IL1RAPL1: variants seen among roughly 807,000 people sequenced by gnomAD.
The protein encoded by IL1RAPL1 is interleukin 1 receptor accessory protein like 1.
IL1RAPL1 carries 3 observed loss-of-function variants against 48.4 expected under a neutral mutation model. The observed-to-expected ratio is 0.06, with a 90% CI of 0.03 to 0.16. IL1RAPL1 has a LOEUF of 0.16. Ranked by LOEUF, IL1RAPL1 falls within the 10% of genes least tolerant of loss-of-function variation. The probability of loss-of-function intolerance (pLI) is 1.00; values close to 1 mark genes in which losing one functional copy is unlikely to be tolerated. For missense variants in IL1RAPL1, 349 were observed against 530.6 expected, an observed-to-expected ratio of 0.66 and a Z score of 3.36; for synonymous variants, 185 against 187.7, an observed-to-expected ratio of 0.99 and a Z score of 0.12.
At chrX:29,152,538 T>C (rs895089780) in intron 2 of IL1RAPL1, among the ~76,000 whole-genome samples, 1 of 112,000 alleles carries the variant, frequency 8.9e-6, no homozygotes, top group Admixed American at 9.5e-5. Flanking sequence ...TTTAATTACA[T>C]TATAACTTGA....
At chrX:28,904,316 T>G (rs1923161113) in intron 2 of IL1RAPL1, among the ~76,000 whole-genome samples, 1 of 111,716 alleles carries the variant, frequency 9.0e-6, no homozygotes. Context: ...AGATTAAAAT[T>G]TCTAGCATTC....
intron 3 of IL1RAPL1, among the ~76,000 whole-genome samples, chrX:29,327,118 T>C (rs1932847852): frequency 9.0e-6 from 1 of 111,600 alleles, no homozygotes; most frequent in Admixed American, 9.6e-5. Flanking sequence ...TCTCTAATAG[T>C]CTGATTTAAT....
rs1215115516 is a variant in IL1RAPL1 at position 29,294,037 on chromosome X, T to TA, written c.362+10833dup. ...TCTAATTTTGTGTGTGGTCCTAAAGTAAAAAAAAAAAAATAAATGAATAAA... is the reference window on the plus strand; with the variant it reads ...TCTAATTTTGTGTGTGGTCCTAAAGTAAAAAAAAAAAAAATAAATGAATAAA... On this transcript the variant is annotated intron_variant, in intron 3 of 10. Transcript: ENST00000378993. Among the ~76,000 whole-genome samples the TA allele has an allele frequency of 8.7e-3, 779 of 89,487 alleles. 10 individuals are homozygous for TA. The highest frequency in any genetic ancestry group is 0.025 in the African/African-American group (622 of 24,514). The allele number at this position is 89,487 out of a possible 115,157, so 77.7% of individuals were successfully genotyped here. A position where few individuals can be genotyped will look rare whatever the true frequency, so the allele number is the denominator to read the frequency against.
chrX:29,497,830 A>C (rs142593640), intron 5 of IL1RAPL1, among the ~76,000 whole-genome samples: 26 of 111,707 alleles, frequency 2.3e-4, no homozygotes, highest in African/African-American at 7.1e-4. Context: ...GTTCATCTTA[A>C]ATTTGGTGAT....
intron 6 of IL1RAPL1, among the ~76,000 whole-genome samples, chrX:29,816,798 A>G (rs141629790): frequency 0.03 from 3,344 of 110,273 alleles, 129 homozygotes; most frequent in African/African-American, 0.1. Flanking sequence ...ATTTGCTTCT[A>G]TTTCATCATT....
intron 2 of IL1RAPL1, among the ~76,000 whole-genome samples, chrX:28,837,267 A>G (rs1440330738): frequency 1.8e-5 from 2 of 110,612 alleles, no homozygotes; most frequent in Non-Finnish European, 3.8e-5. Flanking sequence ...GCATTTTGCT[A>G]TGTGTTACAG....
intron 6 of IL1RAPL1, among the ~76,000 whole-genome samples, chrX:29,723,026 A>G (rs1046821241): frequency 1.8e-5 from 2 of 111,865 alleles, no homozygotes; most frequent in African/African-American, 6.5e-5. Context: ...TCATATTTCT[A>G]ATTTTTATTC....
intron 2 of IL1RAPL1, among the ~76,000 whole-genome samples, chrX:28,920,916 A>C (rs1923600415): frequency 8.9e-6 from 1 of 111,872 alleles, no homozygotes; most frequent in African/African-American, 3.2e-5. Flanking sequence ...CATTGAGAGA[A>C]GCTAACCCAG....
At chrX:29,096,323 G>A (rs1928213495) in intron 2 of IL1RAPL1, among the ~76,000 whole-genome samples, 1 of 111,825 alleles carries the variant, frequency 8.9e-6, no homozygotes, top group South Asian at 3.7e-4. Flanking sequence ...TCTCCCTGAA[G>A]AGAAATATTG....
chrX:29,247,929 TG>T (rs1931543966), intron 2 of IL1RAPL1, among the ~76,000 whole-genome samples: 1 of 111,969 alleles, frequency 8.9e-6, no homozygotes, highest in Non-Finnish European at 1.9e-5. Flanking sequence ...CTGTGTGTTT[TG>T]GCATTTTAGA....
At chrX:29,487,711 T>C (rs1935111503) in intron 5 of IL1RAPL1, among the ~76,000 whole-genome samples, 1 of 112,110 alleles carries the variant, frequency 8.9e-6, no homozygotes, top group South Asian at 3.7e-4. Flanking sequence ...CCCGATGTGA[T>C]GTTTGAAGGA....
intron 6 of IL1RAPL1, among the ~76,000 whole-genome samples, chrX:29,737,080 A>C (rs1419078251): frequency 3.6e-5 from 4 of 112,232 alleles, no homozygotes; most frequent in Non-Finnish European, 7.5e-5. Flanking sequence ...TTGTATTTTA[A>C]ATGCATACAG....
intron 6 of IL1RAPL1, among the ~76,000 whole-genome samples, chrX:29,739,739 T>C (rs771204343): frequency 2.7e-5 from 3 of 111,148 alleles, no homozygotes; most frequent in African/African-American, 9.8e-5. Flanking sequence ...ACCAGTTGTA[T>C]AGCAAAAGAG....
chrX:29,339,842 C>A (rs1933048623), intron 3 of IL1RAPL1, among the ~76,000 whole-genome samples: 1 of 111,771 alleles, frequency 8.9e-6, no homozygotes, highest in Admixed American at 9.5e-5. Flanking sequence ...TTCAGATTTT[C>A]CTTGTTTTTG....
chrX:29,664,143 G>A (rs1393998593), intron 5 of IL1RAPL1, among the ~76,000 whole-genome samples: 2 of 112,141 alleles, frequency 1.8e-5, no homozygotes, highest in Non-Finnish European at 3.8e-5. Context: ...GGTGGCTCAC[G>A]CCTGTAATCC....
intron 5 of IL1RAPL1, among the ~76,000 whole-genome samples, chrX:29,452,543 G>GT (rs2147727674): frequency 9.0e-6 from 1 of 111,716 alleles, no homozygotes. Flanking sequence ...AAAATGATAT[G>GT]TTTTTTCTTG....
chrX:29,239,742 C>T lies in IL1RAPL1; in HGVS notation c.83-43196C>T, dbSNP rs766258198. Among the ~76,000 whole-genome samples, 157 of 108,818 alleles carry T rather than the reference C, an allele frequency of 1.4e-3. 1 individual carries two copies. Among genetic ancestry groups the T allele is most frequent in the African/African-American group, 5.1e-3 (152 of 29,712 alleles). The allele number at this position is 108,818 out of a possible 115,157, so 94.5% of individuals were successfully genotyped here. On this transcript the variant is annotated intron_variant, in intron 2 of 10. Transcript: ENST00000378993. Reference sequence around the variant, plus strand: ...TTTTTTTTTGCAATTTTTTTTAGCTCATCAGCTATCATTAGTGTTAGTGTA... The same window carrying T: ...TTTTTTTTTGCAATTTTTTTTAGCTTATCAGCTATCATTAGTGTTAGTGTA...
In IL1RAPL1 at chrX:29,303,321, A is replaced by G. The variant is rs191760413; in HGVS notation, c.362+20104A>G. 6.9e-3 allele frequency among the ~76,000 whole-genome samples: 777 copies of G among 112,010 alleles called. 5 individuals carry two copies. The highest frequency in any genetic ancestry group is 0.011 in the South Asian group (29 of 2,702). On this transcript the variant is annotated intron_variant, in intron 3 of 10. Coordinates refer to ENST00000378993, the MANE Select transcript of IL1RAPL1 (RefSeq NM_014271.4). ...GCCATTGTTTTAATAAGATTTGGCC[A>G]TGCATTAAATGTTAGGGGTAAATTA...
chrX:29,533,008 C>T (rs1921093985), intron 5 of IL1RAPL1, among the ~76,000 whole-genome samples: 1 of 111,999 alleles, frequency 8.9e-6, no homozygotes, highest in Admixed American at 9.5e-5. Flanking sequence ...TATGAACAGC[C>T]TAGCCTAGAG....
Sources: allele counts gnomAD v4.1 joint callset (sites outside exome capture counted in the v4.1 genomes callset), GRCh38; gene constraint gnomAD v4.1.1; transcripts MANE v1.5; gene names NCBI Gene and HGNC (gene_info 2026-07-23, HGNC 2026-07-21).